PPP1R9A: variants seen among roughly 807,000 people sequenced by gnomAD.
PPP1R9A encodes protein phosphatase 1 regulatory subunit 9A, also known as neurabin-1.
PPP1R9A carries 59 observed loss-of-function variants against 141.9 expected under a neutral mutation model. The ratio of observed to expected loss-of-function variants is 0.42; its 90% CI spans 0.34 to 0.52. The LOEUF (loss-of-function observed/expected upper bound fraction) is 0.52. Among genes scored for constraint, PPP1R9A ranks in the 20% least tolerant of loss-of-function variants. The pLI is 0.10. For missense variants in PPP1R9A, 1,444 were observed against 1,611.9 expected, an observed-to-expected ratio of 0.90 and a Z score of 1.78; for synonymous variants, 500 against 569.7, an observed-to-expected ratio of 0.88 and a Z score of 1.74.
chr7:95,129,476 G>C (rs1172233106), intron 4 of PPP1R9A, among the ~76,000 whole-genome samples: 1 of 152,158 alleles, frequency 6.6e-6, no homozygotes, highest in Non-Finnish European at 1.5e-5. Flanking sequence ...AAATTACCCA[G>C]TCTCAGGTAG....
intron 6 of PPP1R9A, among the ~76,000 whole-genome samples, chr7:95,200,948 C>T (rs1409249588): frequency 6.6e-6 from 1 of 152,160 alleles, no homozygotes; most frequent in African/African-American, 2.4e-5. Context: ...GGCTCCAAAG[C>T]CTGGACTCTT....
intron 2 of PPP1R9A, among the ~76,000 whole-genome samples, chr7:95,099,338 C>A (rs761204897): frequency 1.3e-5 from 2 of 152,108 alleles, no homozygotes; most frequent in Non-Finnish European, 2.9e-5. Flanking sequence ...GAAACTGGAC[C>A]AAGGCCACCA....
chr7:95,215,590 A>G (rs1793186871), intron 7 of PPP1R9A, among the ~76,000 whole-genome samples: 1 of 152,190 alleles, frequency 6.6e-6, no homozygotes, highest in African/African-American at 2.4e-5. Context: ...TCCCACCAAC[A>G]GTGTAAAAGT....
intron 4 of PPP1R9A, among the ~76,000 whole-genome samples, chr7:95,154,505 C>T (rs1286424808): frequency 6.6e-6 from 1 of 152,042 alleles, no homozygotes; most frequent in African/African-American, 2.4e-5. Context: ...TTCTAAGCTG[C>T]TAGCAGATCC....
chr7:94,952,655 G>T (rs1165077496), intron 2 of PPP1R9A, among the ~76,000 whole-genome samples: 1 of 152,074 alleles, frequency 6.6e-6, no homozygotes, highest in Non-Finnish European at 1.5e-5. Flanking sequence ...ATTCTAACTG[G>T]CATGAGATGG....
intron 2 of PPP1R9A, among the ~76,000 whole-genome samples, chr7:94,921,560 G>T (rs1176769396): frequency 6.6e-6 from 1 of 151,980 alleles, no homozygotes; most frequent in Non-Finnish European, 1.5e-5. Context: ...GGAAGAGAAA[G>T]ACATAAATTT....
At chr7:95,199,302 T>C (rs1410017774) in intron 6 of PPP1R9A, among the ~76,000 whole-genome samples, 1 of 152,224 alleles carries the variant, frequency 6.6e-6, no homozygotes, top group Non-Finnish European at 1.5e-5. Flanking sequence ...AACAATTTAA[T>C]TGTAGTATTT....
At chr7:95,247,617 G>A (rs1798291735) in intron 9 of PPP1R9A, 91 bp downstream of exon 9, 1 of 1,116,894 alleles carries the variant, frequency 9.0e-7, no homozygotes, top group Non-Finnish European at 1.3e-6. Context: ...TTTTGTCCCT[G>A]TATATTTGAA....
intron 2 of PPP1R9A, among the ~76,000 whole-genome samples, chr7:95,081,913 T>A (rs1212202743): frequency 1.3e-5 from 2 of 152,206 alleles, no homozygotes; most frequent in African/African-American, 2.4e-5. Context: ...CCCAGTGCCA[T>A]GATAGCCTTG....
chr7:94,992,501 G>T (rs1801642361), intron 2 of PPP1R9A, among the ~76,000 whole-genome samples: 1 of 152,134 alleles, frequency 6.6e-6, no homozygotes, highest in Non-Finnish European at 1.5e-5. Context: ...ACCTAGGAGT[G>T]GATCGTATTG....
intron 4 of PPP1R9A, among the ~76,000 whole-genome samples, chr7:95,121,493 C>A: frequency 6.6e-6 from 1 of 151,464 alleles, no homozygotes; most frequent in East Asian, 1.9e-4. Context: ...ATCTATCTAT[C>A]TATCTATCTA....
chr7:95,272,087 A>G (rs1802274763), intron 14 of PPP1R9A, among the ~76,000 whole-genome samples: 1 of 152,174 alleles, frequency 6.6e-6, no homozygotes, highest in Non-Finnish European at 1.5e-5. Context: ...GATAGGCAGA[A>G]TCAGGCTTTT....
chr7:95,279,880 T>C (rs1412533446), intron 16 of PPP1R9A, among the ~76,000 whole-genome samples: 1 of 152,224 alleles, frequency 6.6e-6, no homozygotes, highest in Non-Finnish European at 1.5e-5. Context: ...TTTGATAGTA[T>C]GGATTTTATT....
intron 6 of PPP1R9A, 132 bp from the exon 7 acceptor site, chr7:95,203,533 G>A (rs1016684959): frequency 6.4e-5 from 35 of 547,310 alleles, no homozygotes; most frequent in East Asian, 9.7e-5. Flanking sequence ...CCAACATGCC[G>A]CAATATTGTC....
intron 5 of PPP1R9A, among the ~76,000 whole-genome samples, chr7:95,190,745 T>G (rs1835380576): frequency 1.3e-5 from 2 of 152,220 alleles, no homozygotes; most frequent in South Asian, 4.1e-4. Context: ...TCAAAGCATC[T>G]GTGAATTCTT....
At chr7:94,968,346 A>G (rs1101703) in intron 2 of PPP1R9A, among the ~76,000 whole-genome samples, 99,506 of 150,590 alleles carry the variant, frequency 0.66, 33,821 homozygotes, top group African/African-American at 0.82. Context: ...CTAATTTTTT[A>G]TATTTTTAGT....
At chr7:94,950,013 C>G (rs1355635382) in intron 2 of PPP1R9A, among the ~76,000 whole-genome samples, 1 of 150,118 alleles carries the variant, frequency 6.7e-6, no homozygotes, top group Non-Finnish European at 1.5e-5. Context: ...GACCCTTTTA[C>G]CTAAAAATTA....
chr7:95,261,991 G>A (rs1800500426), intron 12 of PPP1R9A, among the ~76,000 whole-genome samples: 1 of 152,154 alleles, frequency 6.6e-6, no homozygotes, highest in South Asian at 2.1e-4. Context: ...CTTTCTGTAA[G>A]AGGCCTACAA....
At chr7:95,008,522 C>G (rs979343139) in intron 2 of PPP1R9A, among the ~76,000 whole-genome samples, 1 of 152,174 alleles carries the variant, frequency 6.6e-6, no homozygotes, top group Non-Finnish European at 1.5e-5. Flanking sequence ...ATTTCCTACT[C>G]ACATGATAGT....
Sources: gnomAD v4.1 joint callset for allele counts (sites outside exome capture counted in the v4.1 genomes callset) on GRCh38, gnomAD v4.1.1 for gene constraint, MANE v1.5 for transcripts, NCBI Gene and HGNC (gene_info 2026-07-23, HGNC 2026-07-21) for gene names.